DOCK1: variants seen among roughly 807,000 people sequenced by gnomAD.
The protein encoded by DOCK1 is dedicator of cytokinesis 1.
DOCK1 carries 138 observed loss-of-function variants against 262.7 expected under a neutral mutation model. That is an observed-to-expected ratio of 0.53 (90% CI 0.46 to 0.61). DOCK1 has a LOEUF of 0.61. DOCK1 is among the 20% of genes least tolerant of loss of function. The pLI is 0.00. For synonymous variants in DOCK1, 866 were observed against 867.4 expected, an observed-to-expected ratio of 1.00 and a Z score of 0.03; for missense variants, 1,908 against 2,370.7, an observed-to-expected ratio of 0.80 and a Z score of 4.05.
chr10:126,934,839 G>A (rs1042819091), intron 1 of DOCK1, among the ~76,000 whole-genome samples: 2 of 149,486 alleles, frequency 1.3e-5, no homozygotes, highest in African/African-American at 2.5e-5. Context: ...AAACTAGGCC[G>A]GGTGCGGTGG....
chr10:127,229,647 C>T lies in DOCK1; in HGVS notation c.2848-18361C>T, dbSNP rs558379591. Among the ~76,000 whole-genome samples, 112 of 152,274 alleles carry T rather than the reference C, an allele frequency of 7.4e-4. 1 individual carries two copies. The highest frequency in any genetic ancestry group is 8.5e-4 in the Non-Finnish European group (58 of 68,024). On this transcript the variant is annotated intron_variant, in intron 27 of 51. Coordinates refer to ENST00000623213, the MANE Select transcript of DOCK1 (RefSeq NM_001290223.2). Reference sequence around the variant, plus strand: ...ATCCATCCATTGATGCACGCTTAGGCTGTTTCCCTATTTTGACTATTGTGA... The same window carrying T: ...ATCCATCCATTGATGCACGCTTAGGTTGTTTCCCTATTTTGACTATTGTGA...
At chr10:126,997,067 T>G (rs1383341036) in intron 7 of DOCK1, among the ~76,000 whole-genome samples, 184 bp downstream of exon 7, 1 of 151,654 alleles carries the variant, frequency 6.6e-6, no homozygotes, top group Non-Finnish European at 1.5e-5. Flanking sequence ...ACCCATGACA[T>G]GAAAGGGGGT....
At chr10:127,220,672 G>A (rs958151425) in intron 27 of DOCK1, among the ~76,000 whole-genome samples, 12 of 151,946 alleles carry the variant, frequency 7.9e-5, no homozygotes, top group African/African-American at 2.9e-4. Flanking sequence ...CCCCAGTCCA[G>A]TTCAGTAATA....
intron 15 of DOCK1, chr10:127,025,112 C>A: frequency 5.5e-6 from 1 of 180,722 alleles, no homozygotes; most frequent in East Asian, 1.4e-4. Context: ...AGCTGCCAGC[C>A]TGTGGAGGTC....
chr10:127,206,975 G>A (rs556308610), intron 27 of DOCK1, among the ~76,000 whole-genome samples: 1 of 152,238 alleles, frequency 6.6e-6, no homozygotes, highest in African/African-American at 2.4e-5. Context: ...CAGACTTAGT[G>A]GCCTATTAAG....
chr10:127,155,789 G>T (rs769707762), intron 27 of DOCK1, among the ~76,000 whole-genome samples: 29 of 152,100 alleles, frequency 1.9e-4, no homozygotes, highest in South Asian at 4.1e-4. Flanking sequence ...TAATTCTACT[G>T]GAGCTCGGCT....
At chr10:127,358,203 G>A (rs2064238298) in intron 32 of DOCK1, among the ~76,000 whole-genome samples, 1 of 152,078 alleles carries the variant, frequency 6.6e-6, no homozygotes, top group African/African-American at 2.4e-5. Flanking sequence ...TAGTATGCAT[G>A]GCCCATAGAG....
rs181060035 is a variant in DOCK1 at position 126,995,209 on chromosome 10, C to G, written c.474-1539C>G. On this transcript the variant is annotated intron_variant, in intron 6 of 51. Transcript: ENST00000623213. The surrounding 1 kb of genome is among the most constrained non-coding windows in gnomAD (Gnocchi z 5.8). Reference sequence around the variant, plus strand: ...TCACTTCCCAGACTGGGTGGCCGGGCAGACACGCTCCTCACTTCCCAGACG... The same window carrying G: ...TCACTTCCCAGACTGGGTGGCCGGGGAGACACGCTCCTCACTTCCCAGACG... 0.02 allele frequency among the ~76,000 whole-genome samples: 2,985 copies of G among 152,002 alleles called. 105 individuals are homozygous for G. The highest frequency in any genetic ancestry group is 0.068 in the African/African-American group (2,802 of 41,450).
In DOCK1 at chr10:126,946,752, T is replaced by C. The variant is rs930802319; in HGVS notation, c.47-23950T>C. Among the ~76,000 whole-genome samples, 232 of 152,350 alleles carry C rather than the reference T, an allele frequency of 1.5e-3. 1 individual carries two copies. The highest frequency in any genetic ancestry group is 5.3e-3 in the African/African-American group (219 of 41,576). ...TGTCACAGCACACGTCAACACTTCCTTGCTCTGAAGAATATTTCACTGTAT... is the reference window on the plus strand; with the variant it reads ...TGTCACAGCACACGTCAACACTTCCCTGCTCTGAAGAATATTTCACTGTAT... On this transcript the variant is annotated intron_variant, in intron 1 of 51. Transcript: ENST00000623213.
intron 47 of DOCK1, among the ~76,000 whole-genome samples, chr10:127,430,919 C>T (rs909519070): frequency 2.0e-5 from 3 of 152,312 alleles, no homozygotes; most frequent in South Asian, 4.1e-4. Context: ...GCCAGAGGAT[C>T]GCTCCTGGTC....
At chr10:127,088,969 G>C (rs1342644762) in intron 23 of DOCK1, among the ~76,000 whole-genome samples, 2 of 152,050 alleles carry the variant, frequency 1.3e-5, no homozygotes, top group Non-Finnish European at 2.9e-5. Context: ...CAGGGGTCTG[G>C]AACCCTCTCT....
chr10:127,092,749 C>G (rs2047615058), intron 23 of DOCK1, among the ~76,000 whole-genome samples: 1 of 152,206 alleles, frequency 6.6e-6, no homozygotes, highest in Admixed American at 6.5e-5. Flanking sequence ...TCCCAAGGTG[C>G]TGGGATTACA....
chr10:127,114,096 G>A (rs187460138), intron 25 of DOCK1, among the ~76,000 whole-genome samples: 90 of 152,208 alleles, frequency 5.9e-4, no homozygotes, highest in African/African-American at 2.0e-3. Context: ...CTCATGGCAC[G>A]CCCCCCATGT....
rs140197023 is a variant in DOCK1 at position 127,324,486 on chromosome 10, C to T, written c.3045-14520C>T. ...CAGGACTGGGGACCCATGTACATGT[C>T]ATCTCAGGGCAGCTTTCTTTCTAAA... On this transcript the variant is annotated intron_variant, in intron 29 of 51. Coordinates refer to ENST00000623213, the MANE Select transcript of DOCK1 (RefSeq NM_001290223.2). 5.6e-3 allele frequency among the ~76,000 whole-genome samples: 847 copies of T among 152,298 alleles called. 6 individuals are homozygous for T. The highest frequency in any genetic ancestry group is 7.9e-3 in the Non-Finnish European group (538 of 68,010).
chr10:127,107,624 C>T (rs752984816), intron 24 of DOCK1, among the ~76,000 whole-genome samples: 11 of 152,178 alleles, frequency 7.2e-5, no homozygotes, highest in East Asian at 3.9e-4. Flanking sequence ...ATGGCAGCTC[C>T]GGTAGCCCTT....
chr10:127,186,504 A>ACCCCCC (rs1216809857), intron 27 of DOCK1, among the ~76,000 whole-genome samples: 4 of 9,020 alleles, frequency 4.4e-4, no homozygotes, highest in Admixed American at 8.0e-4. Flanking sequence ...CATGGGAGAA[A>ACCCCCC]CCGCCCCCCC....
chr10:127,062,245 T>A (rs908236830), intron 23 of DOCK1, among the ~76,000 whole-genome samples: 3 of 152,170 alleles, frequency 2.0e-5, no homozygotes, highest in Admixed American at 1.3e-4. Context: ...GGCCTTTTTT[T>A]AATTTTAATT....
At chr10:127,023,625 A>G (rs2042607686) in intron 14 of DOCK1, among the ~76,000 whole-genome samples, 1 of 141,652 alleles carries the variant, frequency 7.1e-6, no homozygotes, top group African/African-American at 2.7e-5. Flanking sequence ...GTGCCTGGCT[A>G]ATTTTTATAT....
At chr10:127,060,347 A>G (rs961315018) in intron 22 of DOCK1, among the ~76,000 whole-genome samples, 7 of 152,154 alleles carry the variant, frequency 4.6e-5, no homozygotes, top group African/African-American at 1.7e-4. Flanking sequence ...TTGGTACATC[A>G]TTTAAGCAAA....
Sources: allele counts gnomAD v4.1 joint callset (sites outside exome capture counted in the v4.1 genomes callset), GRCh38; gene constraint gnomAD v4.1.1; non-coding constraint Gnocchi (gnomAD v3.1); transcripts MANE v1.5; gene names NCBI Gene and HGNC (gene_info 2026-07-23, HGNC 2026-07-21).